Variants in MKRN1 observed in about 807,000 individuals in gnomAD.
The protein encoded by MKRN1 is E3 ubiquitin-protein ligase makorin-1.
A neutral mutation model predicts 55.5 loss-of-function variants in MKRN1; 9 were observed. The observed-to-expected ratio is 0.16, with a 90% confidence interval of 0.10 to 0.28. The LOEUF is 0.28. MKRN1 is among the 10% of genes least tolerant of loss of function. The probability of loss-of-function intolerance (pLI) is 1.00; values close to 1 mark genes in which losing one functional copy is unlikely to be tolerated. For synonymous variants in MKRN1, 253 were observed against 235.9 expected (o/e 1.07, Z -0.66); for missense variants, 488 against 626.7 (o/e 0.78, Z 2.36).
In MKRN1 at chr7:140,479,458, C is replaced by G. The variant is rs1795228272; in HGVS notation, c.-114G>C. On this transcript the variant is annotated 5_prime_UTR_variant, in exon 1 of 8. Transcript: ENST00000255977. ...CGAGGGGAGGGGAAGGACACTGAGG[C>G]ACCCGTTCGGTCCCCGCCTGCTACG... 1.8e-6 allele frequency: 2 copies of G among 1,111,380 alleles called. No homozygotes were observed. The highest frequency in any genetic ancestry group is 1.6e-5 in the African/African-American group (1 of 61,770). The allele number at this position is 1,111,380 out of a possible 1,614,324, so 68.8% of individuals were successfully genotyped here. A position where few individuals can be genotyped will look rare whatever the true frequency, so the allele number is the denominator to read the frequency against.
In MKRN1 at chr7:140,477,098, CAA is replaced by C. The variant is rs35476052; in HGVS notation, c.185+2060_185+2061del. Among the ~76,000 whole-genome samples the C allele has an allele frequency of 3.3e-3, 273 of 83,514 alleles. 1 individual carries two copies. Among genetic ancestry groups the C allele is most frequent in the East Asian group, 0.029 (75 of 2,544 alleles). The allele number at this position is 83,514 out of a possible 152,430, so 54.8% of individuals were successfully genotyped here. Reference sequence around the variant, plus strand: ...GGGAAACAAGAGGGAAACTCTGTCTCAAAAAAAAAAAAAAAAAAATGATAGTT... The same window carrying C: ...GGGAAACAAGAGGGAAACTCTGTCTCAAAAAAAAAAAAAAAAATGATAGTT... On this transcript the variant is annotated intron_variant, in intron 1 of 7. Transcript: ENST00000255977.
At chr7:140,463,667 C>T (rs929752032) in intron 2 of MKRN1, among the ~76,000 whole-genome samples, 14 of 152,096 alleles carry the variant, frequency 9.2e-5, no homozygotes, top group South Asian at 4.2e-4. Flanking sequence ...GGGCGGATCA[C>T]AAGGTCAGGA....
chr7:140,460,041 G>A (rs970250825), intron 2 of MKRN1, 105 bp from the exon 3 acceptor site: 1 of 991,326 alleles, frequency 1.0e-6, no homozygotes, highest in African/African-American at 1.6e-5. Flanking sequence ...GAGAGGTTGG[G>A]AGTTCGAGAC....
At position 140,479,182 on chromosome 7, in the gene MKRN1, AGCC is replaced by A. The variant is rs756250337; in HGVS notation, c.160_162del (p.Gly54del). 4 of 1,459,092 alleles carry A rather than the reference AGCC, an allele frequency of 2.7e-6. No individual in the cohort carries two copies. Among genetic ancestry groups the A allele is most frequent in the East Asian group, 3.0e-5 (1 of 33,022 alleles). The allele number at this position is 1,459,092 out of a possible 1,614,324, so 90.4% of individuals were successfully genotyped here. On this transcript the variant is annotated inframe_deletion, in exon 1 of 8. Transcript: ENST00000255977. The stretch of plus-strand genomic sequence containing the variant: ...TACCTGCAGGTGACCTGTTTAGTCC[AGCC>A]GCCGCCGCTGCCGTCGCTGCCGCCG...
At chr7:140,474,005 A>AAGAAG (rs1554450299) in intron 1 of MKRN1, among the ~76,000 whole-genome samples, 2 of 65,658 alleles carry the variant, frequency 3.0e-5, no homozygotes, top group Non-Finnish European at 5.3e-5. Context: ...AAAAAAAAAA[A>AAGAAG]AAAGAAAGAA....
chr7:140,460,482 G>C (rs748453880), intron 2 of MKRN1, among the ~76,000 whole-genome samples: 2 of 151,538 alleles, frequency 1.3e-5, no homozygotes, highest in African/African-American at 4.8e-5. Flanking sequence ...GCTAAGTTTT[G>C]TATCTTTAGT....
intron 1 of MKRN1, 52 bp downstream of exon 1, chr7:140,479,108 T>C: frequency 1.6e-6 from 2 of 1,283,646 alleles, no homozygotes; most frequent in South Asian, 2.6e-5. Context: ...CGCCGCAGGC[T>C]TGGCCCGCGG....
At chr7:140,456,569 T>C in intron 5 of MKRN1, 83 bp downstream of exon 5, 1 of 1,549,574 alleles carries the variant, frequency 6.5e-7, no homozygotes, top group Non-Finnish European at 8.7e-7. Context: ...TTAAATGCGG[T>C]CCATCTGGTT....
chr7:140,479,007 C>CG, intron 1 of MKRN1, 153 bp downstream of exon 1: 1 of 958,368 alleles, frequency 1.0e-6, no homozygotes, highest in Non-Finnish European at 1.3e-6. Context: ...GCGGCGGCAG[C>CG]GGGGGCCGCG....
chr7:140,473,222 A>AG, intron 1 of MKRN1: 1 of 431,234 alleles, frequency 2.3e-6, no homozygotes, highest in East Asian at 7.0e-5. Flanking sequence ...AAAAAAAAAA[A>AG]AAAAACATCA....
chr7:140,465,951 C>T (rs1448302555), intron 2 of MKRN1, among the ~76,000 whole-genome samples: 1 of 151,966 alleles, frequency 6.6e-6, no homozygotes, highest in Non-Finnish European at 1.5e-5. Context: ...CATGGTGGTG[C>T]GCGCCTGTAG....
chr7:140,459,909 C>T lies in MKRN1; in HGVS notation c.342G>A (p.Gln114=), dbSNP rs776529554. 8 of 1,613,772 alleles carry T rather than the reference C, an allele frequency of 5.0e-6. No homozygotes were observed. The East Asian group carries it at 1.8e-4, about 36-fold the overall frequency. ...TTAGCTCTGTAGCAGTTGCTTCTTC[C>T]TGTTTCAATGGTTTGCTATGTTCAT... ...CRYEHSKPLK[Q]EEATATELTT... is the part of the protein sequence containing the mutation. Residue 114 remains glutamine (Q), a synonymous_variant, in exon 3 of 8, where the codon CAG becomes CAA. Transcript: ENST00000255977.
chr7:140,460,797 A>T (rs997846576), intron 2 of MKRN1, among the ~76,000 whole-genome samples: 1 of 152,236 alleles, frequency 6.6e-6, no homozygotes, highest in African/African-American at 2.4e-5. Flanking sequence ...AAATACACAA[A>T]TATTTTAGGC....
At chr7:140,475,800 G>A (rs1254949817) in intron 1 of MKRN1, among the ~76,000 whole-genome samples, 1 of 152,122 alleles carries the variant, frequency 6.6e-6, no homozygotes, top group African/African-American at 2.4e-5. Context: ...CTAATAAAGA[G>A]GGGTCTAAAT....
chr7:140,456,338 G>GA, intron 5 of MKRN1: 1 of 1,230,328 alleles, frequency 8.1e-7, no homozygotes, highest in South Asian at 1.9e-5. Context: ...AAAACGTCAG[G>GA]AAACATACAT....
chr7:140,470,481 A>C (rs1461694640), intron 2 of MKRN1, among the ~76,000 whole-genome samples: 1 of 151,636 alleles, frequency 6.6e-6, no homozygotes, highest in Non-Finnish European at 1.5e-5. Context: ...GCTACTCCGG[A>C]AGATGAGGCA....
intron 2 of MKRN1, among the ~76,000 whole-genome samples, chr7:140,468,606 C>T (rs1026762133): frequency 1.4e-5 from 2 of 144,556 alleles, no homozygotes; most frequent in African/African-American, 5.2e-5. Flanking sequence ...GAGGTTGAGG[C>T]AGGAGAATTG....
intron 5 of MKRN1, 42 bp from the exon 6 acceptor site, chr7:140,455,942 A>C: frequency 1.3e-6 from 2 of 1,516,172 alleles, no homozygotes; most frequent in Non-Finnish European, 1.8e-6. Flanking sequence ...TTCCCCTTTT[A>C]CAGGCCCACT....
intron 5 of MKRN1, 86 bp downstream of exon 5, chr7:140,456,566 C>A (rs1020510880): frequency 4.6e-6 from 7 of 1,536,140 alleles, no homozygotes; most frequent in Admixed American, 2.0e-5. Flanking sequence ...CATTTAAATG[C>A]GGTCCATCTG....
Sources: gnomAD v4.1 joint callset for allele counts (sites outside exome capture counted in the v4.1 genomes callset) on GRCh38, gnomAD v4.1.1 for gene constraint, MANE v1.5 for transcripts, NCBI Gene and HGNC (gene_info 2026-07-23, HGNC 2026-07-21) for gene names.